Variants in TET1 observed in about 807,000 individuals in gnomAD.
The protein encoded by TET1 is methylcytosine dioxygenase TET1.
TET1 carries 13 observed loss-of-function variants against 148.7 expected under a neutral mutation model. The ratio of observed to expected loss-of-function variants is 0.09; its 90% CI spans 0.06 to 0.14. TET1 has a LOEUF of 0.14. Among genes scored for constraint, TET1 ranks in the 10% least tolerant of loss-of-function variants. TET1 has a pLI of 1.00. For synonymous variants in TET1, 907 were observed against 937.2 expected (o/e 0.97, Z 0.59); for missense variants, 2,182 against 2,553.8 (o/e 0.85, Z 3.14).
chr10:68,611,362 A>G (rs564216518), intron 3 of TET1, among the ~76,000 whole-genome samples: 40 of 152,020 alleles, frequency 2.6e-4, no homozygotes, highest in Non-Finnish European at 5.3e-4. Context: ...ATGTAGTCCT[A>G]GCTACTCAGA....
chr10:68,691,331 T>C lies in TET1; in HGVS notation c.5928T>C (p.Ser1976=), dbSNP rs750169943. 12 of 1,614,212 alleles carry C rather than the reference T, an allele frequency of 7.4e-6. No individual in the cohort carries two copies. Among genetic ancestry groups the C allele is most frequent in the Non-Finnish European group, 1.0e-5 (12 of 1,180,030 alleles). The change falls in exon 12 of 12, where the codon TCT becomes TCC. Residue 1976 remains serine, a synonymous_variant. Coordinates refer to ENST00000373644, the MANE Select transcript of TET1 (RefSeq NM_030625.3). This position sits in a 1 kb window ranked among gnomAD's most constrained non-coding sequence, Gnocchi z 4.4. ...AGCCTCCATCAGACGAACCCCTATCTGATGACCCCCTGTCACCTGCTGAGG... is the reference window on the plus strand; with the variant it reads ...AGCCTCCATCAGACGAACCCCTATCCGATGACCCCCTGTCACCTGCTGAGG... ...ADEPPSDEPL[S]DDPLSPAEEK...
chr10:68,587,341 T>C lies in TET1; in HGVS notation c.1914+13089T>C, dbSNP rs146170298. 6.1e-3 allele frequency among the ~76,000 whole-genome samples: 926 copies of C among 152,268 alleles called. 5 individuals are homozygous for C. Among genetic ancestry groups the C allele is most frequent in the Non-Finnish European group, 0.01 (702 of 68,026 alleles). On this transcript the variant is annotated intron_variant, in intron 2 of 11. Coordinates refer to ENST00000373644, the MANE Select transcript of TET1 (RefSeq NM_030625.3). ...TTGATCCAAGCCATGGAATTTTGGA[T>C]GGAGTGGATATAGGTTAGATTTAGA... is the stretch of plus-strand genomic sequence containing the variant.
chr10:68,657,101 G>C (rs1348643750), intron 6 of TET1, among the ~76,000 whole-genome samples: 1 of 152,136 alleles, frequency 6.6e-6, no homozygotes, highest in East Asian at 1.9e-4. Context: ...ACTTTGGGAG[G>C]CTGAGGCGGG....
At chr10:68,671,117 G>T (rs562437155) in intron 7 of TET1, among the ~76,000 whole-genome samples, 1 of 152,048 alleles carries the variant, frequency 6.6e-6, no homozygotes, top group South Asian at 2.1e-4. Flanking sequence ...CATGTCACAG[G>T]GGTTTGTTGT....
intron 7 of TET1, among the ~76,000 whole-genome samples, chr10:68,668,243 C>G (rs1246081882): frequency 1.3e-5 from 2 of 152,186 alleles, no homozygotes; most frequent in African/African-American, 4.8e-5. Context: ...TTATCTCCCA[C>G]AAAAGGTTTT....
chr10:68,605,931 G>GC (rs1275445271), intron 3 of TET1, among the ~76,000 whole-genome samples: 1 of 152,174 alleles, frequency 6.6e-6, no homozygotes, highest in African/African-American at 2.4e-5. Context: ...TTGCCGTGCT[G>GC]CCCAGGCTGG....
chr10:68,635,611 A>G (rs1348288721), intron 3 of TET1, among the ~76,000 whole-genome samples: 1 of 152,172 alleles, frequency 6.6e-6, no homozygotes, highest in Non-Finnish European at 1.5e-5. Flanking sequence ...TACACTAATC[A>G]CCAGAGTTGG....
At chr10:68,686,949 G>A (rs1271410625) in intron 11 of TET1, among the ~76,000 whole-genome samples, 3 of 150,354 alleles carry the variant, frequency 2.0e-5, no homozygotes, top group Non-Finnish European at 4.4e-5. Context: ...GTGCAGTGGC[G>A]CAATCTTGGC....
At chr10:68,662,284 C>G (rs1302716510) in intron 6 of TET1, among the ~76,000 whole-genome samples, 1 of 152,094 alleles carries the variant, frequency 6.6e-6, no homozygotes, top group Non-Finnish European at 1.5e-5. Flanking sequence ...ACTGAGATTA[C>G]AGGCATGAGC....
At chr10:68,579,314 C>A (rs2053766505) in intron 2 of TET1, among the ~76,000 whole-genome samples, 1 of 152,174 alleles carries the variant, frequency 6.6e-6, no homozygotes, top group Admixed American at 6.5e-5. Context: ...AAATGATTAC[C>A]CAAAATAGAA....
At chr10:68,576,202 T>C (rs889803034) in intron 2 of TET1, among the ~76,000 whole-genome samples, 1 of 151,608 alleles carries the variant, frequency 6.6e-6, no homozygotes, top group African/African-American at 2.4e-5. Context: ...AATACAAAAA[T>C]TAGCCAGGAG....
chr10:68,615,718 G>A (rs2054281156), intron 3 of TET1, among the ~76,000 whole-genome samples: 1 of 152,028 alleles, frequency 6.6e-6, no homozygotes, highest in African/African-American at 2.4e-5. Context: ...GAGTGCAATG[G>A]CGCGATCTCA....
chr10:68,668,827 T>TA (rs568685139), intron 7 of TET1, among the ~76,000 whole-genome samples: 191 of 152,240 alleles, frequency 1.3e-3, no homozygotes, highest in South Asian at 2.5e-3. Context: ...AATATTTTTT[T>TA]AAAAAAACTG....
chr10:68,688,247 G>A (rs1023507227), intron 11 of TET1, among the ~76,000 whole-genome samples: 6 of 151,606 alleles, frequency 4.0e-5, no homozygotes, highest in South Asian at 2.1e-4. Flanking sequence ...ACAGGTGCCC[G>A]CCACCACGCC....
At chr10:68,675,423 A>T (rs2133203169) in intron 8 of TET1, among the ~76,000 whole-genome samples, 1 of 152,318 alleles carries the variant, frequency 6.6e-6, no homozygotes, top group African/African-American at 2.4e-5. Context: ...TGGGTGGAAG[A>T]ATGATAAAAT....
intron 3 of TET1, among the ~76,000 whole-genome samples, chr10:68,624,726 C>CTTCT (rs1230724828): frequency 1.0e-4 from 12 of 116,234 alleles, no homozygotes; most frequent in East Asian, 2.7e-4. Flanking sequence ...TCTTTCTTTC[C>CTTCT]TTCTTTCTTT....
chr10:68,601,336 G>T (rs113368270), intron 3 of TET1, among the ~76,000 whole-genome samples: 142 of 152,284 alleles, frequency 9.3e-4, no homozygotes, highest in African/African-American at 3.2e-3. Flanking sequence ...TGCATTTGTG[G>T]TGTTGCACCA....
chr10:68,560,843 T>A (rs2053543408), intron 1 of TET1, 101 bp downstream of exon 1: 1 of 152,564 alleles, frequency 6.6e-6, no homozygotes, highest in Admixed American at 6.5e-5. Flanking sequence ...GCGGGCTGGA[T>A]GTGGCCGGGG....
chr10:68,659,823 T>A (rs991777998), intron 6 of TET1, among the ~76,000 whole-genome samples: 1 of 152,156 alleles, frequency 6.6e-6, no homozygotes, highest in Non-Finnish European at 1.5e-5. Flanking sequence ...AACATACCTA[T>A]GTGACCAGTG....
Sources: allele counts gnomAD v4.1 joint callset (sites outside exome capture counted in the v4.1 genomes callset), GRCh38; gene constraint gnomAD v4.1.1; non-coding constraint Gnocchi (gnomAD v3.1); transcripts MANE v1.5; gene names NCBI Gene and HGNC (gene_info 2026-07-23, HGNC 2026-07-21).